The following CFAP77 variants were observed in gnomAD, a reference collection of about 807,000 sequenced individuals.
CFAP77 encodes the protein cilia and flagella associated protein 77, also known as cilia- and flagella-associated protein 77.
CFAP77 carries 25 observed loss-of-function variants against 31.1 expected under a neutral mutation model. The observed-to-expected ratio is 0.80, with a 90% CI of 0.59 to 1.12. CFAP77 has a LOEUF of 1.12. CFAP77 is among the 50% of genes most tolerant of loss of function. The pLI, the probability that CFAP77 is intolerant of heterozygous loss-of-function variation, is 0.00. For synonymous variants in CFAP77, 151 were observed against 159.9 expected, an observed-to-expected ratio of 0.94 and a Z score of 0.42; for missense variants, 377 against 397.3, an observed-to-expected ratio of 0.95 and a Z score of 0.44.
At chr9:132,537,074 C>G (rs1182922650) in intron 3 of CFAP77, among the ~76,000 whole-genome samples, 1 of 152,032 alleles carries the variant, frequency 6.6e-6, no homozygotes, top group Non-Finnish European at 1.5e-5. Flanking sequence ...GAGTTCAGTT[C>G]CAGATACAAC....
intron 3 of CFAP77, among the ~76,000 whole-genome samples, chr9:132,505,271 C>T (rs993760846): frequency 6.6e-6 from 1 of 152,216 alleles, no homozygotes; most frequent in Non-Finnish European, 1.5e-5. Context: ...CTCTTCTCCA[C>T]ACGTCTCTGA....
chr9:132,429,007 T>C (rs1850360577), intron 1 of CFAP77, among the ~76,000 whole-genome samples: 1 of 152,188 alleles, frequency 6.6e-6, no homozygotes, highest in African/African-American at 2.4e-5. Context: ...CCCTGCATGT[T>C]GAACTGGGGA....
At chr9:132,561,364 T>TC (rs1430739432) in intron 5 of CFAP77, among the ~76,000 whole-genome samples, 2 of 150,948 alleles carry the variant, frequency 1.3e-5, no homozygotes, top group Non-Finnish European at 3.0e-5. Context: ...TAAATCTGTT[T>TC]TCCCCCCCCA....
chr9:132,411,706 C>T (rs1022210668), intron 1 of CFAP77, among the ~76,000 whole-genome samples: 1 of 152,128 alleles, frequency 6.6e-6, no homozygotes, highest in African/African-American at 2.4e-5. Flanking sequence ...GAATCACGTC[C>T]GCCACCTCTG....
intron 4 of CFAP77, among the ~76,000 whole-genome samples, chr9:132,538,937 A>G (rs1208168900): frequency 6.6e-6 from 1 of 151,652 alleles, no homozygotes; most frequent in Non-Finnish European, 1.5e-5. Context: ...AATACAAAAA[A>G]TTAGCTGGGC....
At position 132,438,092 on chromosome 9, in the gene CFAP77, C is replaced by T. The variant is rs549705181; in HGVS notation, c.195+27626C>T. On this transcript the variant is annotated intron_variant, in intron 1 of 5. Transcript: ENST00000393216. ...TGGTGGGCTACTGTAATCCCAGCTA[C>T]TCAGGAGGCTGAGGCAGGAGCATCA... Among the ~76,000 whole-genome samples, 244 of 150,158 alleles carry T rather than the reference C, an allele frequency of 1.6e-3. 6 individuals are homozygous for T. The South Asian group carries it at 0.05, about 30-fold the overall frequency.
At chr9:132,488,658 G>A (rs1193764809) in intron 1 of CFAP77, among the ~76,000 whole-genome samples, 2 of 152,204 alleles carry the variant, frequency 1.3e-5, no homozygotes, top group African/African-American at 2.4e-5. Flanking sequence ...TGTGGGAAAT[G>A]CTACCTGCAC....
At chr9:132,459,909 AGT>A (rs1021965106) in intron 1 of CFAP77, among the ~76,000 whole-genome samples, 1 of 148,524 alleles carries the variant, frequency 6.7e-6, no homozygotes, top group Non-Finnish European at 1.5e-5. Context: ...TTAGTGTGTG[AGT>A]GTGAGTTTGT....
rs552525618 is a variant in CFAP77 at position 132,563,837 on chromosome 9, T to C, written c.733-8551T>C. 3.9e-5 allele frequency among the ~76,000 whole-genome samples: 6 copies of C among 152,344 alleles called. No homozygotes were observed. The South Asian group carries it at 1.2e-3, about 32-fold the overall frequency. On this transcript the variant is annotated intron_variant, in intron 5 of 5. Transcript: ENST00000393216. ...GCTTATTCTCTTGCTTAATGTGCTA[T>C]TCCCTGATGATGCGCTGGGTTGAGC...
chr9:132,428,002 T>C (rs1056288431), intron 1 of CFAP77, among the ~76,000 whole-genome samples: 1 of 148,174 alleles, frequency 6.7e-6, no homozygotes, highest in Non-Finnish European at 1.5e-5. Context: ...GATTCTTTCT[T>C]TTTTTTTTTT....
rs1337963280 is a variant in CFAP77 at position 132,545,096 on chromosome 9, A to G, written c.732+2049A>G. On this transcript the variant is annotated intron_variant, in intron 5 of 5. Coordinates refer to ENST00000393216, the MANE Select transcript of CFAP77 (RefSeq NM_001282957.2). The surrounding 1 kb of genome is among the most constrained non-coding windows in gnomAD (Gnocchi z 4.6). Reference sequence around the variant, plus strand: ...CTGTGTCCCACGGCGCCTGGCCCCAAGTAGGAGCTAAATGCACATAGAATG... The same window carrying G: ...CTGTGTCCCACGGCGCCTGGCCCCAGGTAGGAGCTAAATGCACATAGAATG... Among the ~76,000 whole-genome samples the G allele has an allele frequency of 2.6e-5, 4 of 152,232 alleles. No homozygotes were observed. Among genetic ancestry groups the G allele is most frequent in the Admixed American group, 1.3e-4 (2 of 15,288 alleles).
At chr9:132,557,299 G>A (rs946880594) in intron 5 of CFAP77, among the ~76,000 whole-genome samples, 1 of 152,232 alleles carries the variant, frequency 6.6e-6, no homozygotes, top group Non-Finnish European at 1.5e-5. Flanking sequence ...AAGGCAAGAT[G>A]CAAGTCCAAG....
At chr9:132,520,262 T>C (rs1046719857) in intron 3 of CFAP77, among the ~76,000 whole-genome samples, 3 of 152,170 alleles carry the variant, frequency 2.0e-5, no homozygotes, top group African/African-American at 7.2e-5. Context: ...AACAGCCTTA[T>C]TGAGGTGTAA....
At chr9:132,529,502 TATA>T (rs1852395498) in intron 3 of CFAP77, among the ~76,000 whole-genome samples, 1 of 69,766 alleles carries the variant, frequency 1.4e-5, no homozygotes, top group South Asian at 4.1e-4. Context: ...AAACTTAGAG[TATA>T]ATAAAAAAAA....
chr9:132,464,342 G>A (rs576462840), intron 1 of CFAP77, among the ~76,000 whole-genome samples: 8 of 151,890 alleles, frequency 5.3e-5, no homozygotes, highest in Non-Finnish European at 1.2e-4. Context: ...TTGGAGAGGT[G>A]AAATTGCTCA....
At chr9:132,525,944 G>T (rs572966078) in intron 3 of CFAP77, among the ~76,000 whole-genome samples, 10 of 152,228 alleles carry the variant, frequency 6.6e-5, no homozygotes, top group Admixed American at 2.0e-4. Flanking sequence ...GGATGGAATT[G>T]GATGTTCTTC....
chr9:132,425,384 C>T (rs1292394228), intron 1 of CFAP77, among the ~76,000 whole-genome samples: 1 of 152,080 alleles, frequency 6.6e-6, no homozygotes, highest in Non-Finnish European at 1.5e-5. Context: ...TCTCTCCAAC[C>T]TCGCTCCCCA....
intron 1 of CFAP77, among the ~76,000 whole-genome samples, chr9:132,422,867 T>C (rs940382538): frequency 2.6e-5 from 4 of 152,190 alleles, no homozygotes; most frequent in Admixed American, 6.5e-5. Flanking sequence ...GGGATGGACA[T>C]GTTAGTTGCA....
intron 1 of CFAP77, among the ~76,000 whole-genome samples, chr9:132,484,788 T>G (rs1024382653): frequency 6.6e-6 from 1 of 152,142 alleles, no homozygotes; most frequent in Non-Finnish European, 1.5e-5. Context: ...TTCAATTCCT[T>G]TGGTATATCA....
Sources: allele counts gnomAD v4.1 joint callset (sites outside exome capture counted in the v4.1 genomes callset), GRCh38; gene constraint gnomAD v4.1.1; non-coding constraint Gnocchi (gnomAD v3.1); transcripts MANE v1.5; gene names NCBI Gene and HGNC (gene_info 2026-07-23, HGNC 2026-07-21).